The following ANO1 variants were observed in gnomAD, a reference collection of about 807,000 sequenced individuals.
ANO1 encodes anoctamin-1.
In ANO1, 59 loss-of-function variants were observed where a neutral mutation model predicts 124.0. That is an observed-to-expected ratio of 0.48 (90% confidence interval 0.39 to 0.59). The LOEUF (loss-of-function observed/expected upper bound fraction) is 0.59, where lower values mean the gene tolerates loss of function less well. Among genes scored for constraint, ANO1 ranks in the 20% least tolerant of loss-of-function variants. The pLI is 0.00. For missense variants in ANO1, 1,059 were observed against 1,328.0 expected (o/e 0.80, Z 3.15); for synonymous variants, 529 against 532.0 (o/e 0.99, Z 0.08).
intron 22 of ANO1, among the ~76,000 whole-genome samples, chr11:70,173,837 G>C (rs1305365284): frequency 1.3e-5 from 2 of 152,174 alleles, no homozygotes; most frequent in African/African-American, 4.8e-5. Context: ...GATCACCTGA[G>C]GTCAGGAGTT....
chr11:70,098,521 A>C (rs990451862), intron 2 of ANO1, among the ~76,000 whole-genome samples: 3 of 152,066 alleles, frequency 2.0e-5, no homozygotes, highest in Non-Finnish European at 2.9e-5. Flanking sequence ...CAGCACCCCG[A>C]CGCCATGATT....
the ANO1 span, among the ~76,000 whole-genome samples, chr11:69,972,389 C>T: frequency 6.6e-6 from 1 of 151,938 alleles, no homozygotes; most frequent in Non-Finnish European, 1.5e-5. Context: ...TCAGGAGTGC[C>T]ACTGCAAACA....
intron 25 of ANO1, among the ~76,000 whole-genome samples, chr11:70,187,210 C>T (rs2049166528): frequency 6.6e-6 from 1 of 152,204 alleles, no homozygotes; most frequent in African/African-American, 2.4e-5. Flanking sequence ...CCTGCTCAGC[C>T]GGGGGTGCTC....
intron 1 of ANO1, chr11:70,015,702 C>T (rs1362967259): frequency 1.3e-5 from 2 of 152,332 alleles, no homozygotes; most frequent in African/African-American, 2.4e-5. Flanking sequence ...TCGGAGATCA[C>T]CTCCTCGGCT....
chr11:70,172,657 G>A (rs1360605536), intron 22 of ANO1, among the ~76,000 whole-genome samples: 1 of 152,072 alleles, frequency 6.6e-6, no homozygotes, highest in African/African-American at 2.4e-5. Context: ...ATCACCTGAG[G>A]TCAGGAGTTC....
At chr11:69,993,204 G>A (rs1417861212) in intron 1 of ANO1, among the ~76,000 whole-genome samples, 3 of 152,172 alleles carry the variant, frequency 2.0e-5, no homozygotes, top group Admixed American at 1.3e-4. Context: ...GGTGTGGTGT[G>A]CAAACACTAC....
At chr11:70,115,162 C>T (rs891166957) in intron 7 of ANO1, among the ~76,000 whole-genome samples, 1 of 152,096 alleles carries the variant, frequency 6.6e-6, no homozygotes, top group Non-Finnish European at 1.5e-5. Context: ...GTCTTCGTTC[C>T]AAGACCACCT....
chr11:70,028,740 G>A (rs1199374763), intron 1 of ANO1, among the ~76,000 whole-genome samples: 2 of 152,138 alleles, frequency 1.3e-5, no homozygotes, highest in African/African-American at 4.8e-5. Flanking sequence ...CTGACAGATC[G>A]TGGAGGTGGG....
chr11:70,069,582 C>T (rs897290871), intron 1 of ANO1, among the ~76,000 whole-genome samples: 9 of 152,078 alleles, frequency 5.9e-5, no homozygotes, highest in African/African-American at 1.2e-4. Context: ...CAGACGTAAT[C>T]GTTCATGTTT....
At chr11:70,002,712 T>C (rs1856409175) in intron 1 of ANO1, among the ~76,000 whole-genome samples, 2 of 152,118 alleles carry the variant, frequency 1.3e-5, no homozygotes, top group Admixed American at 6.5e-5. Flanking sequence ...CTAATTCAGT[T>C]AGAAGATATA....
At chr11:69,987,898 G>A (rs1428492485) in intron 1 of ANO1, among the ~76,000 whole-genome samples, 2 of 152,296 alleles carry the variant, frequency 1.3e-5, no homozygotes, top group Admixed American at 1.3e-4. Context: ...ATCATGGATG[G>A]ATGACGGCCA....
At chr11:70,052,185 C>T (rs184164761) in intron 1 of ANO1, among the ~76,000 whole-genome samples, 17 of 152,344 alleles carry the variant, frequency 1.1e-4, no homozygotes, top group Admixed American at 9.1e-4. Flanking sequence ...AAACACAGTC[C>T]TTTCCCACAC....
At chr11:70,093,566 G>A (rs1302269431) in intron 2 of ANO1, among the ~76,000 whole-genome samples, 1 of 152,196 alleles carries the variant, frequency 6.6e-6, no homozygotes, top group African/African-American at 2.4e-5. Flanking sequence ...CTGCCCTGAT[G>A]TTGAACCTGA....
At position 70,132,034 on chromosome 11, in the gene ANO1, G is replaced by A. The variant is rs1045614581; in HGVS notation, c.1213G>A (p.Asp405Asn). The change falls in exon 11 of 26, where the codon GAC (aspartate) becomes AAC (asparagine). Residue 405 changes from aspartate to asparagine, a missense_variant. Physicochemically the swap from Asp to Asn is conservative, Grantham distance 23. Coordinates refer to ENST00000355303, the MANE Select transcript of ANO1 (RefSeq NM_018043.7). Reference sequence around the variant, plus strand: ...CACGGCCCGCGCCAGCCACCTCTTCGACAACCCCGCCACGGTCTTCTTCTC... The same window carrying A: ...CACGGCCCGCGCCAGCCACCTCTTCAACAACCCCGCCACGGTCTTCTTCTC... ...CATARASHLF[D>N]NPATVFFSVF... The A allele has an allele frequency of 3.7e-6, 6 of 1,602,520 alleles. No individual in the cohort carries two copies. Among genetic ancestry groups the A allele is most frequent in the African/African-American group, 1.3e-5 (1 of 74,914 alleles).
rs201685852 is a variant in ANO1, at chr11:70,187,996, G to A, written c.2953G>A (p.Val985Ile). The A allele has an allele frequency of 9.8e-4, 1,527 of 1,561,310 alleles. 4 individuals carry two copies. Among genetic ancestry groups the A allele is most frequent in the Non-Finnish European group, 1.1e-3 (1,286 of 1,153,554 alleles). ...PAPSHAYHGG[V>I]L ...CCCCAGCCATGCCTACCACGGGGGC[G>A]TCCTGTAGCTATGCCAGCGGGGCTG... The change falls in exon 26 of 26, where the codon GTC becomes ATC. Residue 985 changes from valine to isoleucine, a missense_variant. Val to Ile is a conservative substitution (Grantham distance 29, BLOSUM62 3). Around this residue, in one of 2 missense-constraint regions of ANO1, gnomAD observed 809 missense variants for 1,094.9 expected, o/e 0.74. Coordinates refer to ENST00000355303, the MANE Select transcript of ANO1 (RefSeq NM_018043.7).
intron 22 of ANO1, among the ~76,000 whole-genome samples, chr11:70,178,264 CT>C (rs2048802672): frequency 6.6e-6 from 1 of 152,234 alleles, no homozygotes; most frequent in South Asian, 2.1e-4. Context: ...TGCTTCAGTG[CT>C]GACTTTGTAG....
At chr11:70,030,203 G>A (rs1248939888) in intron 1 of ANO1, among the ~76,000 whole-genome samples, 1 of 152,270 alleles carries the variant, frequency 6.6e-6, no homozygotes, top group Non-Finnish European at 1.5e-5. Context: ...CTTGGGGGCT[G>A]CAGCCCAGGC....
At chr11:70,158,648 CTGT>C (rs2135693461) in intron 16 of ANO1, among the ~76,000 whole-genome samples, 1 of 152,348 alleles carries the variant, frequency 6.6e-6, no homozygotes, top group South Asian at 2.1e-4. Context: ...AGGCGGGGGG[CTGT>C]CTTTGTTTTC....
At chr11:70,148,865 A>C (rs2047479719) in intron 11 of ANO1, among the ~76,000 whole-genome samples, 2 of 152,186 alleles carry the variant, frequency 1.3e-5, no homozygotes, top group African/African-American at 2.4e-5. Flanking sequence ...CAGCACTGAC[A>C]CCGTGGGCAA....
Sources: gnomAD v4.1 joint callset for allele counts (sites outside exome capture counted in the v4.1 genomes callset) on GRCh38, gnomAD v4.1.1 for gene constraint, gnomAD v4.1.1 regional missense constraint, MANE v1.5 for transcripts, NCBI Gene and HGNC (gene_info 2026-07-23, HGNC 2026-07-21) for gene names.